The following RFX3 variants were observed in gnomAD, a reference collection of about 807,000 sequenced individuals.
RFX3 encodes the protein regulatory factor X3.
In RFX3, 14 loss-of-function variants were observed where a neutral mutation model predicts 98.6. The observed-to-expected ratio is 0.14, with a 90% CI of 0.09 to 0.22. The LOEUF (loss-of-function observed/expected upper bound fraction) is 0.22. Ranked by LOEUF, RFX3 falls within the 10% of genes least tolerant of loss-of-function variation. RFX3 has a pLI of 1.00. For synonymous variants in RFX3, 383 were observed against 328.4 expected, an observed-to-expected ratio of 1.17 and a Z score of -1.80; for missense variants, 639 against 926.9, an observed-to-expected ratio of 0.69 and a Z score of 4.03.
At chr9:3,366,437 C>T (rs1054823485) in intron 2 of RFX3, among the ~76,000 whole-genome samples, 5 of 152,038 alleles carry the variant, frequency 3.3e-5, no homozygotes, top group African/African-American at 9.7e-5. Context: ...ATAGTATAGA[C>T]GAAGCTTAAC....
chr9:3,351,593 C>A (rs547032211), intron 2 of RFX3, among the ~76,000 whole-genome samples: 2 of 151,590 alleles, frequency 1.3e-5, no homozygotes, highest in Non-Finnish European at 2.9e-5. Flanking sequence ...TATAGTATCC[C>A]ACATATATAA....
At chr9:3,273,624 G>A (rs1440794881) in intron 9 of RFX3, among the ~76,000 whole-genome samples, 2 of 152,108 alleles carry the variant, frequency 1.3e-5, no homozygotes, top group Non-Finnish European at 2.9e-5. Flanking sequence ...AGCACTTTGG[G>A]AGGCTGAAGC....
chr9:3,482,659 C>T (rs767148996), intron 1 of RFX3, among the ~76,000 whole-genome samples: 10 of 152,014 alleles, frequency 6.6e-5, no homozygotes, highest in Admixed American at 1.3e-4. Context: ...CTTTTTCAAA[C>T]GATGGATTCA....
At chr9:3,249,124 C>T (rs1408150632) in intron 14 of RFX3, among the ~76,000 whole-genome samples, 1 of 152,036 alleles carries the variant, frequency 6.6e-6, no homozygotes, top group African/African-American at 2.4e-5. Flanking sequence ...CTAAAACAAC[C>T]ATTGTATTCT....
At chr9:3,380,760 A>C (rs1455669366) in intron 2 of RFX3, among the ~76,000 whole-genome samples, 2 of 152,246 alleles carry the variant, frequency 1.3e-5, no homozygotes, top group Admixed American at 1.3e-4. Context: ...CTCAAACATT[A>C]ACAATATTTT....
intron 1 of RFX3, among the ~76,000 whole-genome samples, chr9:3,483,178 T>C (rs564018319): frequency 7.9e-5 from 12 of 152,272 alleles, no homozygotes; most frequent in South Asian, 6.2e-4. Flanking sequence ...ATCACCCAGA[T>C]ACACCACTAC....
chr9:3,525,534 C>G (rs1252841089), intron 1 of RFX3, among the ~76,000 whole-genome samples: 4 of 151,970 alleles, frequency 2.6e-5, no homozygotes, highest in East Asian at 3.9e-4. Flanking sequence ...GCCCACACCC[C>G]CGACCCAGCC....
chr9:3,472,693 G>T (rs1848878734), intron 1 of RFX3, among the ~76,000 whole-genome samples: 1 of 152,132 alleles, frequency 6.6e-6, no homozygotes, highest in Non-Finnish European at 1.5e-5. Context: ...CAGATATGTA[G>T]CAACCATTAT....
chr9:3,368,107 C>T (rs1479165828), intron 2 of RFX3, among the ~76,000 whole-genome samples: 1 of 152,182 alleles, frequency 6.6e-6, no homozygotes, highest in African/African-American at 2.4e-5. Context: ...CACTGTTGAT[C>T]TTCTGCCTCT....
intron 2 of RFX3, among the ~76,000 whole-genome samples, chr9:3,392,451 A>C (rs936647921): frequency 6.6e-6 from 1 of 151,924 alleles, no homozygotes. Context: ...ATTAAAAAAA[A>C]AGTGATAGAA....
intron 4 of RFX3, among the ~76,000 whole-genome samples, chr9:3,309,365 CAG>C (rs942344805): frequency 6.6e-6 from 1 of 152,076 alleles, no homozygotes; most frequent in African/African-American, 2.4e-5. Context: ...TCCTGGGAGA[CAG>C]AGACAGTGCA....
At chr9:3,270,736 C>CTG (rs1270045285) in intron 10 of RFX3, 2 of 667,304 alleles carry the variant, frequency 3.0e-6, no homozygotes, top group Non-Finnish European at 5.0e-6. Context: ...TTTGTATTTT[C>CTG]TGACGGTATG....
chr9:3,477,611 A>G (rs1453229654), intron 1 of RFX3, among the ~76,000 whole-genome samples: 1 of 152,198 alleles, frequency 6.6e-6, no homozygotes, highest in Non-Finnish European at 1.5e-5. Flanking sequence ...AAATTCAACT[A>G]TGATGGGTCT....
chr9:3,260,349 T>A (rs1822708797), intron 13 of RFX3, among the ~76,000 whole-genome samples: 1 of 151,972 alleles, frequency 6.6e-6, no homozygotes, highest in African/African-American at 2.4e-5. Flanking sequence ...AGTAGACATA[T>A]CACTGATCAT....
intron 5 of RFX3, among the ~76,000 whole-genome samples, chr9:3,299,352 G>C (rs1828369379): frequency 6.6e-6 from 1 of 151,648 alleles, no homozygotes; most frequent in South Asian, 2.1e-4. Flanking sequence ...AAGACAACAG[G>C]ATCTTTTTCT....
chr9:3,317,106 T>G (rs930493132), intron 4 of RFX3, among the ~76,000 whole-genome samples: 6 of 152,172 alleles, frequency 3.9e-5, no homozygotes, highest in South Asian at 4.1e-4. Context: ...TCATGCTACC[T>G]GACTTCAAAC....
chr9:3,414,818 G>C (rs1425343733), intron 1 of RFX3, among the ~76,000 whole-genome samples: 2 of 135,590 alleles, frequency 1.5e-5, no homozygotes, highest in African/African-American at 5.5e-5. Context: ...ATGTATATAT[G>C]AGTATATATG....
chr9:3,237,803 G>C (rs962660342), intron 15 of RFX3, among the ~76,000 whole-genome samples: 1 of 152,168 alleles, frequency 6.6e-6, no homozygotes, highest in Non-Finnish European at 1.5e-5. Flanking sequence ...TTAAATACAG[G>C]AGTGGAGCAC....
At chr9:3,317,114 A>C (rs897070746) in intron 4 of RFX3, among the ~76,000 whole-genome samples, 6 of 152,210 alleles carry the variant, frequency 3.9e-5, no homozygotes, top group African/African-American at 1.4e-4. Context: ...CCTGACTTCA[A>C]ACTATACTAC....
Sources: gnomAD v4.1 joint callset for allele counts (sites outside exome capture counted in the v4.1 genomes callset) on GRCh38, gnomAD v4.1.1 for gene constraint, MANE v1.5 for transcripts, NCBI Gene and HGNC (gene_info 2026-07-23, HGNC 2026-07-21) for gene names.